The following BRD10 variants were observed in gnomAD, a reference collection of about 807,000 sequenced individuals.
BRD10 encodes bromodomain containing 10.
At chr9:5,908,675 T>C in the BRD10 span, 17 of 1,614,028 alleles carry the variant, frequency 1.1e-5, no homozygotes, top group Non-Finnish European at 1.4e-5. Flanking sequence ...AGAAACTCTC[T>C]GCAGAACAGT....
chr9:5,909,783 A>G, the BRD10 span: 1 of 152,328 alleles, frequency 6.6e-6, no homozygotes, highest in Admixed American at 6.5e-5. Flanking sequence ...TCCCTCTCAC[A>G]AGAATGTGCA....
At chr9:5,979,435 C>T in the BRD10 span, among the ~76,000 whole-genome samples, 1 of 151,860 alleles carries the variant, frequency 6.6e-6, no homozygotes, top group South Asian at 2.1e-4. Flanking sequence ...ATAACTTGAG[C>T]CTGGGAGGTG....
the BRD10 span, among the ~76,000 whole-genome samples, chr9:5,908,354 T>A: frequency 2.0e-5 from 3 of 152,232 alleles, no homozygotes; most frequent in Non-Finnish European, 4.4e-5. Flanking sequence ...AATGATTCGT[T>A]AGTTAGGGCT....
chr9:5,893,078 A>G, the BRD10 span, among the ~76,000 whole-genome samples: 2 of 152,246 alleles, frequency 1.3e-5, no homozygotes, highest in African/African-American at 2.4e-5. Context: ...TGAATTAAAA[A>G]TAAGTATTTA....
At chr9:5,918,601 A>T in the BRD10 span, among the ~76,000 whole-genome samples, 1 of 150,086 alleles carries the variant, frequency 6.7e-6, no homozygotes, top group South Asian at 2.1e-4. Context: ...CCCAGCTATT[A>T]GGTTAGTGAG....
the BRD10 span, among the ~76,000 whole-genome samples, chr9:5,882,401 T>A: frequency 6.6e-6 from 1 of 151,924 alleles, no homozygotes; most frequent in African/African-American, 2.4e-5. Flanking sequence ...GCCAAACAAG[T>A]GTGAAAGTAG....
At chr9:5,997,676 CTGGG>C in the BRD10 span, among the ~76,000 whole-genome samples, 1,262 of 152,206 alleles carry the variant, frequency 8.3e-3, 16 homozygotes, top group African/African-American at 0.028. Flanking sequence ...CGACAACTGG[CTGGG>C]TATTTGAGAA....
chr9:5,906,990 G>A, the BRD10 span: 21 of 1,592,002 alleles, frequency 1.3e-5, no homozygotes, highest in Non-Finnish European at 1.7e-5. Flanking sequence ...GAAAAACTGT[G>A]AACCTGTGGT....
At chr9:5,985,020 A>G in the BRD10 span, among the ~76,000 whole-genome samples, 1 of 152,178 alleles carries the variant, frequency 6.6e-6, no homozygotes, top group Non-Finnish European at 1.5e-5. Flanking sequence ...GACTTACTGT[A>G]AAGTTAATCA....
At chr9:5,896,994 T>C in the BRD10 span, among the ~76,000 whole-genome samples, 1 of 152,226 alleles carries the variant, frequency 6.6e-6, no homozygotes, top group South Asian at 2.1e-4. Context: ...CTCTGTTTTG[T>C]GCTAGCTCTG....
At chr9:5,920,912 A>C in the BRD10 span, 1 of 1,614,008 alleles carries the variant, frequency 6.2e-7, no homozygotes, top group Non-Finnish European at 8.5e-7. Context: ...TCTATTTGAC[A>C]AAATAGGCAT....
chr9:5,912,036 CT>C, the BRD10 span, among the ~76,000 whole-genome samples: 2 of 152,086 alleles, frequency 1.3e-5, no homozygotes, highest in Non-Finnish European at 2.9e-5. Flanking sequence ...GAATATCTTT[CT>C]GTTTTTCTGT....
At chr9:5,919,549 C>CACACACACACACACAG in the BRD10 span, 1 of 611,246 alleles carries the variant, frequency 1.6e-6, no homozygotes, top group Non-Finnish European at 2.8e-6. Flanking sequence ...TTAAAACACA[C>CACACACACACACACAG]ACACACACAC....
chr9:5,906,646 T>C, the BRD10 span, among the ~76,000 whole-genome samples: 2 of 152,266 alleles, frequency 1.3e-5, no homozygotes, highest in East Asian at 1.9e-4. Flanking sequence ...TCCCAGGTAC[T>C]GCACTAGAGC....
chr9:5,969,427 C>A, the BRD10 span: 1 of 1,543,968 alleles, frequency 6.5e-7, no homozygotes, highest in Non-Finnish European at 8.7e-7. Context: ...TTCTTTCCTG[C>A]TCCCGAAGCC....
chr9:6,005,199 C>CT, the BRD10 span, among the ~76,000 whole-genome samples: 3 of 152,142 alleles, frequency 2.0e-5, no homozygotes, highest in Non-Finnish European at 2.9e-5. Flanking sequence ...TTAGTCTGCT[C>CT]TTTTTTAAGA....
At chr9:5,961,462 T>G in the BRD10 span, among the ~76,000 whole-genome samples, 1 of 152,144 alleles carries the variant, frequency 6.6e-6, no homozygotes, top group Non-Finnish European at 1.5e-5. Flanking sequence ...GAATTTTTTT[T>G]GCTCTGAGTT....
the BRD10 span, among the ~76,000 whole-genome samples, chr9:5,949,626 G>A: frequency 6.6e-6 from 1 of 152,278 alleles, no homozygotes; most frequent in Non-Finnish European, 1.5e-5. Flanking sequence ...TGAAATGGGA[G>A]CAAGGGCACA....
chr9:5,915,531 C>A, the BRD10 span, among the ~76,000 whole-genome samples: 1 of 152,160 alleles, frequency 6.6e-6, no homozygotes, highest in Non-Finnish European at 1.5e-5. Context: ...TATAATCATT[C>A]CCTATGGGTC....
Sources: allele counts gnomAD v4.1 joint callset (sites outside exome capture counted in the v4.1 genomes callset), GRCh38; gene constraint gnomAD v4.1.1; transcripts MANE v1.5; gene names NCBI Gene and HGNC (gene_info 2026-07-23, HGNC 2026-07-21).